The following ACOT7 variants were observed in gnomAD, a reference collection of about 807,000 sequenced individuals.
The protein encoded by ACOT7 is acyl-CoA thioesterase 7.
ACOT7 carries 12 observed loss-of-function variants against 40.2 expected under a neutral mutation model. The observed-to-expected ratio is 0.30, with a 90% CI of 0.19 to 0.48. The LOEUF is 0.48. ACOT7 is among the 20% of genes least tolerant of loss of function. The pLI is 0.99. For missense variants in ACOT7, 395 were observed against 530.8 expected (o/e 0.74, Z 2.51); for synonymous variants, 228 against 219.5 (o/e 1.04, Z -0.34).
chr1:6,312,273 G>A (rs191537509), intron 6 of ACOT7, among the ~76,000 whole-genome samples: 13 of 152,248 alleles, frequency 8.5e-5, no homozygotes, highest in Admixed American at 3.3e-4. Context: ...CCTACTATTC[G>A]ACAGCACAAC....
chr1:6,331,137 G>T (rs1262511516), intron 4 of ACOT7, among the ~76,000 whole-genome samples: 1 of 152,186 alleles, frequency 6.6e-6, no homozygotes, highest in Non-Finnish European at 1.5e-5. Flanking sequence ...AAGAAGCAGG[G>T]AGAGAACAGC....
chr1:6,293,442 T>G (rs1217334596), intron 7 of ACOT7, among the ~76,000 whole-genome samples: 1 of 152,200 alleles, frequency 6.6e-6, no homozygotes, highest in African/African-American at 2.4e-5. Context: ...CCACTTGTTT[T>G]GGGCAGATTC....
rs1339623985 is a variant in ACOT7, at chr1:6,289,682, TTGTG to T, written c.829+5178_829+5181del. ...AGCCACTGTGACCAGCCTGCTTTTT[TTGTG>T]TGTGTTTTGTTTTGTTTTGTTTTTA... On this transcript the variant is annotated intron_variant, in intron 7 of 8. Transcript: ENST00000361521. This position sits in a 1 kb window ranked among gnomAD's most constrained non-coding sequence, Gnocchi z 4.6. 3.3e-5 allele frequency among the ~76,000 whole-genome samples: 5 copies of T among 151,660 alleles called. No homozygotes were observed.
intron 7 of ACOT7, among the ~76,000 whole-genome samples, chr1:6,291,235 G>T (rs1369419582): frequency 6.6e-6 from 1 of 152,130 alleles, no homozygotes; most frequent in Non-Finnish European, 1.5e-5. Context: ...GTCTTGAGAT[G>T]AGATCACCCC....
At position 6,320,417 on chromosome 1, in the gene ACOT7, T is replaced by C. The variant is rs191295375; in HGVS notation, c.626-1839A>G. ...AACCCTAGTGGGTCACACAGTGAGG[T>C]TGATTTCCTGCTAGGTAAAGTCCAA... is the stretch of plus-strand genomic sequence containing the variant. On this transcript the variant is annotated intron_variant, in intron 5 of 8. Coordinates refer to ENST00000361521, the MANE Select transcript of ACOT7 (RefSeq NM_007274.4). Among the ~76,000 whole-genome samples the C allele has an allele frequency of 5.9e-5, 9 of 152,200 alleles. No individual in the cohort carries two copies. The East Asian group carries it at 7.7e-4, about 13-fold the overall frequency.
Position 6,349,845 on chromosome 1 carries a change from G to A in ACOT7, c.165C>T (p.Ala55=), listed in dbSNP as rs763150711. The A allele has an allele frequency of 4.3e-6, 7 of 1,614,146 alleles. No homozygotes were observed. The Admixed American group carries it at 1.0e-4, about 23-fold the overall frequency. ...CCCCGTGGACATTGCCGGCCACGTT[G>A]GCATCATCTGGCCGCATGATCCTAG... The part of the protein sequence containing the change: ...QICRIMRPDD[A]NVAGNVHGGT... Residue 55 remains alanine, a synonymous_variant, in exon 2 of 9, where the codon GCC becomes GCT. Transcript: ENST00000361521.
At chr1:6,377,950 G>C (rs1377656611) in intron 1 of ACOT7, among the ~76,000 whole-genome samples, 3 of 152,042 alleles carry the variant, frequency 2.0e-5, no homozygotes, top group African/African-American at 7.2e-5. Context: ...GGCGCCTGTA[G>C]TCCCAGCTAC....
At chr1:6,349,993 A>C in intron 1 of ACOT7, 127 bp from the exon 2 acceptor site, 2 of 895,716 alleles carry the variant, frequency 2.2e-6, no homozygotes, top group Non-Finnish European at 3.5e-6. Flanking sequence ...AACCTTCCCA[A>C]TGTTTGGGCT....
At chr1:6,385,574 G>C in intron 1 of ACOT7, 5 of 1,612,160 alleles carry the variant, frequency 3.1e-6, no homozygotes, top group Non-Finnish European at 4.2e-6. Flanking sequence ...ACCCTCGCCG[G>C]GGCCCCACAC....
At chr1:6,276,066 G>C (rs1316010814) in intron 8 of ACOT7, among the ~76,000 whole-genome samples, 2 of 152,150 alleles carry the variant, frequency 1.3e-5, no homozygotes, top group Middle Eastern at 3.2e-3. Context: ...CCCTGGTCAG[G>C]GGCCTCAGCG....
intron 1 of ACOT7, among the ~76,000 whole-genome samples, chr1:6,366,965 G>A (rs935671236): frequency 6.6e-5 from 10 of 152,074 alleles, no homozygotes; most frequent in Admixed American, 3.9e-4. Flanking sequence ...TTGGGAGGCC[G>A]AGGCAGGCGG....
intron 3 of ACOT7, among the ~76,000 whole-genome samples, chr1:6,337,367 C>T (rs1056860287): frequency 2.0e-5 from 3 of 152,240 alleles, no homozygotes; most frequent in Non-Finnish European, 4.4e-5. Context: ...GGGATCCTCA[C>T]GAATATGTCA....
intron 6 of ACOT7, among the ~76,000 whole-genome samples, chr1:6,315,034 C>T (rs1014659708): frequency 3.3e-5 from 5 of 152,196 alleles, no homozygotes; most frequent in Non-Finnish European, 7.3e-5. Context: ...TCTGTCCATG[C>T]AACCAGGAAA....
chr1:6,317,728 CTTTT>C (rs988852778), intron 6 of ACOT7, among the ~76,000 whole-genome samples: 1 of 135,846 alleles, frequency 7.4e-6, no homozygotes, highest in Non-Finnish European at 1.6e-5. Flanking sequence ...CAGAGTCTTT[CTTTT>C]TTTTTTTTTT....
Position 6,338,343 on chromosome 1 carries a change from G to C in ACOT7, c.418+1090C>G, listed in dbSNP as rs1295274976. 6.6e-6 allele frequency among the ~76,000 whole-genome samples: 1 copy of C among 152,224 alleles called. No individual in the cohort carries two copies. Among genetic ancestry groups the C allele is most frequent in the African/African-American group, 2.4e-5 (1 of 41,468 alleles). On this transcript the variant is annotated intron_variant, in intron 3 of 8. Coordinates refer to ENST00000361521, the MANE Select transcript of ACOT7 (RefSeq NM_007274.4). The surrounding 1 kb of genome is among the most constrained non-coding windows in gnomAD (Gnocchi z 4.4). ...TAAAGTGGGGAACCCACCCAGCCCT[G>C]AGCCTCTCCCGAGTCGTGGGCGCTG...
intron 1 of ACOT7, among the ~76,000 whole-genome samples, chr1:6,384,752 C>T (rs113436421): frequency 6.6e-6 from 1 of 151,886 alleles, no homozygotes; most frequent in African/African-American, 2.4e-5. Context: ...CATTAGCATA[C>T]TAGACACTCT....
At chr1:6,342,372 GAC>G (rs1571325317) in intron 2 of ACOT7, among the ~76,000 whole-genome samples, 1 of 152,102 alleles carries the variant, frequency 6.6e-6, no homozygotes, top group African/African-American at 2.4e-5. Flanking sequence ...ACACATGAGA[GAC>G]ACGAACACTC....
intron 1 of ACOT7, among the ~76,000 whole-genome samples, chr1:6,380,202 A>C (rs139903926): frequency 6.6e-6 from 1 of 151,916 alleles, no homozygotes; most frequent in Non-Finnish European, 1.5e-5. Context: ...TAATCAAAAC[A>C]GTATGGCATT....
intron 1 of ACOT7, among the ~76,000 whole-genome samples, chr1:6,368,365 C>CCAGGTCCCCAAAGTGAATG (rs1196818082): frequency 6.6e-6 from 1 of 152,170 alleles, no homozygotes; most frequent in Admixed American, 6.5e-5. Context: ...GCACCGCAGT[C>CCAGGTCCCCAAAGTGAATG]CAGGTCCCCA....
Sources: gnomAD v4.1 joint callset for allele counts (sites outside exome capture counted in the v4.1 genomes callset) on GRCh38, gnomAD v4.1.1 for gene constraint, Gnocchi (gnomAD v3.1) non-coding constraint, MANE v1.5 for transcripts, NCBI Gene and HGNC (gene_info 2026-07-23, HGNC 2026-07-21) for gene names.